Variants in ZNF730 observed in about 807,000 individuals in gnomAD.
ZNF730 encodes the protein putative zinc finger protein 730.
In ZNF730, 12 loss-of-function variants were observed where a neutral mutation model predicts 12.6. The ratio of observed to expected loss-of-function variants is 0.95; its 90% CI spans 0.61 to 1.54. The LOEUF is 1.54. ZNF730 is among the 40% of genes most tolerant of loss of function. The pLI is 0.00. For missense variants in ZNF730, 643 were observed against 583.5 expected (o/e 1.10, Z -1.05); for synonymous variants, 194 against 195.8 (o/e 0.99, Z 0.08).
chr19:23,123,525 G>C (rs529810063), intron 1 of ZNF730: 3 of 151,026 alleles, frequency 2.0e-5, no homozygotes, highest in African/African-American at 4.9e-5. Flanking sequence ...AGCCGAGATC[G>C]TGCCACTGCA....
chr19:23,091,383 G>A (rs992055258), intron 1 of ZNF730, among the ~76,000 whole-genome samples: 1 of 152,166 alleles, frequency 6.6e-6, no homozygotes, highest in East Asian at 1.9e-4. Flanking sequence ...TCCCTACTGG[G>A]GTACAGCCTA....
At chr19:23,118,768 G>A (rs1243007550) in intron 1 of ZNF730, among the ~76,000 whole-genome samples, 3 of 152,084 alleles carry the variant, frequency 2.0e-5, no homozygotes, top group Non-Finnish European at 2.9e-5. Flanking sequence ...GAGATTCATG[G>A]AAAAAATAGT....
chr19:23,108,465 CTT>C (rs1012068571), intron 1 of ZNF730, among the ~76,000 whole-genome samples: 1 of 152,160 alleles, frequency 6.6e-6, no homozygotes, highest in Non-Finnish European at 1.5e-5. Flanking sequence ...CTGCTTCTGA[CTT>C]TGGGATTTTG....
intron 3 of ZNF730, among the ~76,000 whole-genome samples, chr19:23,140,599 C>G (rs1970901852): frequency 1.6e-5 from 2 of 124,100 alleles, no homozygotes; most frequent in Admixed American, 1.7e-4. Context: ...CAAAGCAAGA[C>G]TCGGTCTTAA....
rs746820352 is a variant in ZNF730, at chr19:23,121,730, C to T, written c.3+4554C>T. 9.0e-4 allele frequency among the ~76,000 whole-genome samples: 137 copies of T among 152,208 alleles called. 3 individuals are homozygous for T. The highest frequency in any genetic ancestry group is 7.0e-4 in the African/African-American group (29 of 41,538). On this transcript the variant is annotated intron_variant, in intron 1 of 3. Transcript: ENST00000597761. ...CATAAACATTCTTTCAAGTGCATACCGTATGCCCAAGGCTACAGCTTAGAT... is the reference window on the plus strand; with the variant it reads ...CATAAACATTCTTTCAAGTGCATACTGTATGCCCAAGGCTACAGCTTAGAT...
At chr19:23,080,128 TAG>T (rs1238921737) in intron 1 of ZNF730, among the ~76,000 whole-genome samples, 1 of 152,016 alleles carries the variant, frequency 6.6e-6, no homozygotes, top group Non-Finnish European at 1.5e-5. Context: ...GTATTTTTAG[TAG>T]AGACAGAGTT....
intron 1 of ZNF730, chr19:23,127,832 A>C: frequency 1.5e-6 from 1 of 673,774 alleles, no homozygotes; most frequent in Admixed American, 2.3e-5. Context: ...GTAACAAACA[A>C]ATATTGTCAG....
rs562544126 is a variant in ZNF730 at position 23,137,346 on chromosome 19, A to G, written c.226+1303A>G. On this transcript the variant is annotated intron_variant, in intron 3 of 3. Transcript: ENST00000597761. Reference sequence around the variant, plus strand: ...GTTCTCAGAAATTTATTTTAGTGCTATTGTAAATAAGGTTACTTTCTTTCT... The same window carrying G: ...GTTCTCAGAAATTTATTTTAGTGCTGTTGTAAATAAGGTTACTTTCTTTCT... Among the ~76,000 whole-genome samples the G allele has an allele frequency of 3.3e-5, 5 of 152,218 alleles. No homozygotes were observed. The South Asian group carries it at 1.0e-3, about 32-fold the overall frequency.
upstream of ZNF730, among the ~76,000 whole-genome samples, chr19:23,114,584 C>T (rs908677091): frequency 6.6e-6 from 1 of 151,858 alleles, no homozygotes; most frequent in African/African-American, 2.4e-5. Context: ...GATCTCCTGA[C>T]TTCATGATCC....
chr19:23,138,262 G>A (rs560259832), intron 3 of ZNF730, among the ~76,000 whole-genome samples: 1,850 of 13,990 alleles, frequency 0.13, 573 homozygotes, highest in African/African-American at 0.22. Context: ...CAGCCTGGGC[G>A]ACAGAGCGAG....
At position 23,090,159 on chromosome 19, in the gene ZNF730, T is replaced by C. The variant is rs141494889; in HGVS notation, c.-94+14772T>C. ...CACTTGGGAGGCCGAGGCAGGAGAA[T>C]TGTTTGAACCCGAGAGGCGGAGGTT... On this transcript the variant is annotated intron_variant, in intron 1 of 2. Transcript: ENST00000593635. Among the ~76,000 whole-genome samples the C allele has an allele frequency of 4.4e-3, 675 of 152,082 alleles. 7 individuals carry two copies. Among genetic ancestry groups the C allele is most frequent in the African/African-American group, 0.015 (602 of 41,480 alleles).
At chr19:23,122,644 AGTG>A (rs1477795467) in intron 1 of ZNF730, among the ~76,000 whole-genome samples, 1 of 152,252 alleles carries the variant, frequency 6.6e-6, no homozygotes, top group East Asian at 1.9e-4. Context: ...TTCACTAAAT[AGTG>A]GAATCTGTAG....
intron 1 of ZNF730, among the ~76,000 whole-genome samples, chr19:23,105,984 AAAAG>A (rs1970388386): frequency 6.6e-6 from 1 of 152,254 alleles, no homozygotes; most frequent in East Asian, 1.9e-4. Flanking sequence ...GCATTGTAGA[AAAAG>A]AAAGTTATAG....
chr19:23,106,106 G>A (rs953807965), intron 1 of ZNF730, among the ~76,000 whole-genome samples: 8 of 151,794 alleles, frequency 5.3e-5, no homozygotes, highest in African/African-American at 1.7e-4. Context: ...AGAGCAGCCT[G>A]AGCAATATAA....
chr19:23,146,909 C>T lies in ZNF730; in HGVS notation c.*353C>T, dbSNP rs149874765. 18 of 495,052 alleles carry T rather than the reference C, an allele frequency of 3.6e-5. No individual in the cohort carries two copies. Among genetic ancestry groups the T allele is most frequent in the Middle Eastern group, 6.5e-4 (2 of 3,096 alleles). 30.7% of individuals were successfully genotyped at this position (495,052 alleles called of 1,614,324 possible). A position where few individuals can be genotyped will look rare whatever the true frequency, so the allele number is the denominator to read the frequency against. On this transcript the variant is annotated 3_prime_UTR_variant, in exon 4 of 4. Transcript: ENST00000597761. ...TACAAACCTGAAAGTTTTAACAGTG[C>T]TTTTGACAACACCTCAAACTTTTCC...
chr19:23,116,151 C>T (rs1203034187), upstream of ZNF730, among the ~76,000 whole-genome samples: 1 of 152,144 alleles, frequency 6.6e-6, no homozygotes, highest in Non-Finnish European at 1.5e-5. Context: ...AATCTGTTTT[C>T]TTCATATCTA....
intron 1 of ZNF730, chr19:23,124,193 G>C (rs942181030): frequency 1.3e-5 from 2 of 152,236 alleles, no homozygotes; most frequent in African/African-American, 4.8e-5. Flanking sequence ...GTTGGTAGGC[G>C]TAAAGAGAGG....
chr19:23,145,220 A>T (rs1233599627), intron 3 of ZNF730, 51 bp from the exon 4 acceptor site: 3 of 1,272,138 alleles, frequency 2.4e-6, no homozygotes, highest in Admixed American at 3.2e-5. Context: ...AGGTTTATAA[A>T]CTATACTCAG....
At chr19:23,137,225 G>C (rs1970847549) in intron 3 of ZNF730, among the ~76,000 whole-genome samples, 1 of 151,976 alleles carries the variant, frequency 6.6e-6, no homozygotes, top group South Asian at 2.1e-4. Context: ...TCCATTAATA[G>C]ACATAAAATA....
Sources: gnomAD v4.1 joint callset for allele counts (sites outside exome capture counted in the v4.1 genomes callset) on GRCh38, gnomAD v4.1.1 for gene constraint, MANE v1.5 for transcripts, NCBI Gene and HGNC (gene_info 2026-07-23, HGNC 2026-07-21) for gene names.